Variants in CERS6 observed in about 807,000 individuals in gnomAD.
CERS6 encodes the protein ceramide synthase 6, also known as LAG1 homolog, ceramide synthase 6.
CERS6 carries 26 observed loss-of-function variants against 56.8 expected under a neutral mutation model. The observed-to-expected ratio is 0.46, with a 90% CI of 0.34 to 0.63. CERS6 has a LOEUF of 0.63. Ranked by LOEUF, CERS6 falls within the 30% of genes least tolerant of loss-of-function variation. The probability of loss-of-function intolerance (pLI) is 0.01; values close to 1 mark genes in which losing one functional copy is unlikely to be tolerated. For synonymous variants in CERS6, 164 were observed against 173.3 expected (o/e 0.95, Z 0.42); for missense variants, 415 against 467.5 (o/e 0.89, Z 1.04).
rs906610512 is a variant in CERS6, at chr2:168,570,638, G to T, written c.407+9316G>T. On this transcript the variant is annotated intron_variant, in intron 3 of 9. Coordinates refer to ENST00000305747, the MANE Select transcript of CERS6 (RefSeq NM_203463.3). ...TTTGCTCTTAAATGTAATATTTATT[G>T]GTTACCTCCTGTGTGCAGGAGAAGT... Among the ~76,000 whole-genome samples the T allele has an allele frequency of 2.0e-5, 3 of 152,004 alleles. No homozygotes were observed. The East Asian group carries it at 5.8e-4, about 29-fold the overall frequency.
intron 6 of CERS6, among the ~76,000 whole-genome samples, chr2:168,698,713 G>A (rs1686730419): frequency 6.6e-6 from 1 of 152,102 alleles, no homozygotes; most frequent in Non-Finnish European, 1.5e-5. Flanking sequence ...TTTCGTAGGT[G>A]AATTATTTTG....
At chr2:168,594,363 T>A (rs955436856) in intron 3 of CERS6, among the ~76,000 whole-genome samples, 2 of 152,162 alleles carry the variant, frequency 1.3e-5, no homozygotes, top group African/African-American at 2.4e-5. Context: ...GGCAGGTGGA[T>A]TGCTTGAGCC....
chr2:168,722,982 A>G (rs1331691847), intron 8 of CERS6, among the ~76,000 whole-genome samples: 1 of 152,072 alleles, frequency 6.6e-6, no homozygotes, highest in African/African-American at 2.4e-5. Flanking sequence ...AGAAAGTGCA[A>G]TTTTTATATC....
chr2:168,607,088 A>G (rs1684070240), intron 3 of CERS6, among the ~76,000 whole-genome samples: 1 of 152,204 alleles, frequency 6.6e-6, no homozygotes, highest in Admixed American at 6.5e-5. Context: ...GCAAGAATGG[A>G]CTATTACAAT....
In CERS6 at chr2:168,470,244, G is replaced by A. The variant is rs968072505; in HGVS notation, c.170+13626G>A. Among the ~76,000 whole-genome samples the A allele has an allele frequency of 4.6e-5, 7 of 151,516 alleles. No homozygotes were observed. In the East Asian group the frequency reaches 9.7e-4, roughly 21 times the overall value. ...AAAAAAAAAAAAAAATTAGCTGGGCGTGGTGGTATGCACCTGGAGCCCCAG... is the reference window on the plus strand; with the variant it reads ...AAAAAAAAAAAAAAATTAGCTGGGCATGGTGGTATGCACCTGGAGCCCCAG... On this transcript the variant is annotated intron_variant, in intron 1 of 9. Coordinates refer to ENST00000305747, the MANE Select transcript of CERS6 (RefSeq NM_203463.3).
intron 3 of CERS6, among the ~76,000 whole-genome samples, chr2:168,574,658 TAGTC>T (rs1342647427): frequency 1.3e-4 from 20 of 152,188 alleles, no homozygotes; most frequent in Non-Finnish European, 2.4e-4. Context: ...GCCAAACACA[TAGTC>T]AGAGCTCAAG....
At chr2:168,624,724 C>T (rs900540853) in intron 3 of CERS6, among the ~76,000 whole-genome samples, 23 of 152,140 alleles carry the variant, frequency 1.5e-4, no homozygotes, top group African/African-American at 5.5e-4. Context: ...GGGAATGTGT[C>T]ACATATAATA....
intron 1 of CERS6, among the ~76,000 whole-genome samples, chr2:168,539,819 T>C (rs2105367910): frequency 6.6e-6 from 1 of 152,336 alleles, no homozygotes; most frequent in East Asian, 1.9e-4. Flanking sequence ...ATTGAATTTT[T>C]ACTTATGCAT....
chr2:168,529,176 A>G (rs1695122727), intron 1 of CERS6, among the ~76,000 whole-genome samples: 1 of 152,158 alleles, frequency 6.6e-6, no homozygotes, highest in South Asian at 2.1e-4. Context: ...ATTATTCTCC[A>G]TTTCTGTCAG....
At chr2:168,551,490 T>C (rs1263582407) in intron 2 of CERS6, among the ~76,000 whole-genome samples, 1 of 152,172 alleles carries the variant, frequency 6.6e-6, no homozygotes, top group Non-Finnish European at 1.5e-5. Context: ...AGATAGCTCA[T>C]ATGTAAAAAT....
At chr2:168,726,805 CTTA>C (rs1683366838) in intron 8 of CERS6, among the ~76,000 whole-genome samples, 1 of 152,124 alleles carries the variant, frequency 6.6e-6, no homozygotes, top group African/African-American at 2.4e-5. Context: ...GTCAGAAGTT[CTTA>C]TTATATTTTA....
At chr2:168,727,547 C>CAA (rs1210219437) in intron 8 of CERS6, among the ~76,000 whole-genome samples, 4 of 87,558 alleles carry the variant, frequency 4.6e-5, no homozygotes, top group African/African-American at 4.2e-5. Context: ...GACTCCATCT[C>CAA]AAAAAAAAAA....
chr2:168,498,747 T>G lies in CERS6; in HGVS notation c.170+42129T>G, dbSNP rs188776867. 3.9e-5 allele frequency among the ~76,000 whole-genome samples: 6 copies of G among 152,358 alleles called. No individual in the cohort carries two copies. The East Asian group carries it at 1.2e-3, about 29-fold the overall frequency. On this transcript the variant is annotated intron_variant, in intron 1 of 9. Coordinates refer to ENST00000305747, the MANE Select transcript of CERS6 (RefSeq NM_203463.3). ...GTGGTCTCTTACCAGGAAGGAGTGC[T>G]GGTCAGTCCTTGCGCTGAAACGCAG... is the stretch of plus-strand genomic sequence containing the variant.
At chr2:168,567,485 G>A (rs1235012738) in intron 3 of CERS6, among the ~76,000 whole-genome samples, 16 of 152,168 alleles carry the variant, frequency 1.1e-4, no homozygotes, top group Admixed American at 9.8e-4. Flanking sequence ...CAGTAAAAGT[G>A]TATTTATGGA....
chr2:168,659,157 AT>A (rs1685565047), intron 4 of CERS6, among the ~76,000 whole-genome samples: 1 of 152,208 alleles, frequency 6.6e-6, no homozygotes, highest in Non-Finnish European at 1.5e-5. Context: ...TAATAATCAT[AT>A]TTGTATCCCA....
chr2:168,752,583 G>C (rs1319221088), intron 8 of CERS6, among the ~76,000 whole-genome samples: 1 of 152,192 alleles, frequency 6.6e-6, no homozygotes, highest in East Asian at 1.9e-4. Flanking sequence ...CCCTGTGGAA[G>C]CTGGTGATGG....
chr2:168,717,931 G>A lies in CERS6; in HGVS notation c.798G>A (p.Met266Ile), dbSNP rs1373605971. Residue 266 changes from methionine to isoleucine, a missense_variant, in exon 8 of 10, where the codon ATG becomes ATA. Coordinates refer to ENST00000305747, the MANE Select transcript of CERS6 (RefSeq NM_203463.3). ...FQKMCDLLFV[M>I]FAVVFITTRL... is the part of the protein sequence containing the mutation. The stretch of plus-strand genomic sequence containing the variant: ...AAATGTGTGATCTCCTGTTTGTTAT[G>A]TTTGCCGTGGTTTTTATCACCACAC... 1 of 1,613,720 alleles carries A rather than the reference G, an allele frequency of 6.2e-7. No homozygotes were observed. Among genetic ancestry groups the A allele is most frequent in the South Asian group, 1.1e-5 (1 of 91,052 alleles).
intron 3 of CERS6, among the ~76,000 whole-genome samples, chr2:168,615,594 A>G (rs1412320640): frequency 6.7e-6 from 1 of 149,936 alleles, no homozygotes; most frequent in Non-Finnish European, 1.5e-5. Context: ...TCTCAGCAAT[A>G]GAGTCGAACA....
intron 4 of CERS6, among the ~76,000 whole-genome samples, chr2:168,679,563 G>A (rs190348314): frequency 5.9e-5 from 9 of 152,122 alleles, no homozygotes; most frequent in East Asian, 1.9e-4. Context: ...GCTTCTACTC[G>A]TAATCTCGCT....
Sources: gnomAD v4.1 joint callset for allele counts (sites outside exome capture counted in the v4.1 genomes callset) on GRCh38, gnomAD v4.1.1 for gene constraint, MANE v1.5 for transcripts, NCBI Gene and HGNC (gene_info 2026-07-23, HGNC 2026-07-21) for gene names.